The following CFAP251 variants were observed in gnomAD, a reference collection of about 807,000 sequenced individuals.
The protein encoded by CFAP251 is cilia and flagella associated protein 251, also known as cilia- and flagella-associated protein 251.
CFAP251 carries 93 observed loss-of-function variants against 126.7 expected under a neutral mutation model. The observed-to-expected ratio is 0.73, with a 90% CI of 0.62 to 0.87. The LOEUF (loss-of-function observed/expected upper bound fraction) is 0.87. CFAP251 is among the 40% of genes least tolerant of loss of function. The pLI is 0.00. For synonymous variants in CFAP251, 503 were observed against 506.9 expected (o/e 0.99, Z 0.10); for missense variants, 1,287 against 1,389.2 (o/e 0.93, Z 1.17).
At chr12:121,963,247 A>T (rs1461863431) in intron 15 of CFAP251, among the ~76,000 whole-genome samples, 1 of 152,086 alleles carries the variant, frequency 6.6e-6, no homozygotes. Context: ...AGCGTTTGCT[A>T]ATGGAGGGAA....
At position 121,921,657 on chromosome 12, in the gene CFAP251, C is replaced by T; in HGVS notation, c.352C>T (p.Gln118Ter). Residue 118 changes from glutamine to a stop codon, truncating the protein, a stop_gained, in exon 2 of 22, where the codon CAG (glutamine) becomes TAG (stop). Coordinates refer to ENST00000288912, the MANE Select transcript of CFAP251 (RefSeq NM_144668.6). LOFTEE classifies it high-confidence loss of function. ...IRLETQITDS[Q>*]SITSGIFPKT... Reference sequence around the variant, plus strand: ...TTTGGAGACACAGATTACTGATTCCCAGTCAATCACATCAGGAATTTTCCC... The same window carrying T: ...TTTGGAGACACAGATTACTGATTCCTAGTCAATCACATCAGGAATTTTCCC... 6.2e-7 allele frequency: 1 copy of T among 1,607,530 alleles called. No homozygotes were observed. The highest frequency in any genetic ancestry group is 1.1e-5 in the South Asian group (1 of 89,724).
chr12:121,928,330 C>T (rs370536043), intron 3 of CFAP251, among the ~76,000 whole-genome samples: 2 of 151,988 alleles, frequency 1.3e-5, no homozygotes, highest in African/African-American at 4.8e-5. Context: ...ACCACTCACA[C>T]CCACACAATA....
intron 19 of CFAP251, among the ~76,000 whole-genome samples, chr12:121,980,627 C>T (rs1882598113): frequency 6.6e-6 from 1 of 152,188 alleles, no homozygotes; most frequent in Admixed American, 6.5e-5. Flanking sequence ...GGATTCTAGG[C>T]ATGAGCCACC....
rs571069810 is a variant in CFAP251 at position 121,952,355 on chromosome 12, G to A, written c.1320+825G>A. On this transcript the variant is annotated intron_variant, in intron 9 of 21. Coordinates refer to ENST00000288912, the MANE Select transcript of CFAP251 (RefSeq NM_144668.6). ...GGATCACTTGAGCCCAGGTGGTCAA[G>A]GCTACAGTGAGCTGTGTTTGTGCCA... Among the ~76,000 whole-genome samples the A allele has an allele frequency of 3.3e-5, 5 of 151,034 alleles. No homozygotes were observed. In the South Asian group the frequency reaches 1.1e-3, roughly 32 times the overall value.
At chr12:121,972,092 T>G in intron 17 of CFAP251, 1 of 194,274 alleles carries the variant, frequency 5.1e-6, no homozygotes, top group Non-Finnish European at 1.1e-5. Context: ...AGTTATGTCT[T>G]TATCAGCAGC....
At chr12:121,984,627 A>G (rs1351280957) in intron 19 of CFAP251, among the ~76,000 whole-genome samples, 2 of 152,134 alleles carry the variant, frequency 1.3e-5, no homozygotes, top group East Asian at 3.9e-4. Flanking sequence ...TTTTAAATGA[A>G]AGATCTGCAG....
intron 20 of CFAP251, among the ~76,000 whole-genome samples, chr12:122,000,476 CG>C (rs1414945883): frequency 2.1e-4 from 32 of 148,980 alleles, no homozygotes; most frequent in Non-Finnish European, 4.4e-5. Context: ...TGCTTGAACC[CG>C]GGAGGTGGAG....
chr12:121,982,181 T>C (rs1882637483), intron 19 of CFAP251, among the ~76,000 whole-genome samples: 1 of 152,108 alleles, frequency 6.6e-6, no homozygotes, highest in Non-Finnish European at 1.5e-5. Context: ...CGCCATCAAA[T>C]TGATGGCAGT....
chr12:121,958,126 G>T, intron 11 of CFAP251, 146 bp from the exon 12 acceptor site: 1 of 1,190,902 alleles, frequency 8.4e-7, no homozygotes, highest in Non-Finnish European at 1.2e-6. Flanking sequence ...GTTGGGTATT[G>T]GTGGTATATT....
rs1321427914 is a variant in CFAP251 at position 121,942,705 on chromosome 12, C to T, written c.1110+60C>T. Reference sequence around the variant, plus strand: ...AGCTGGCCGACCTGTGCAGCGTGTCCCCATGGGCAGCTCTGTTCAGGCTGG... The same window carrying T: ...AGCTGGCCGACCTGTGCAGCGTGTCTCCATGGGCAGCTCTGTTCAGGCTGG... On this transcript the variant is annotated intron_variant, in intron 6 of 21. Transcript: ENST00000288912. 13 of 1,389,028 alleles carry T rather than the reference C, an allele frequency of 9.4e-6. No individual in the cohort carries two copies. In the South Asian group the frequency reaches 1.6e-4, roughly 17 times the overall value. The allele number at this position is 1,389,028 out of a possible 1,614,324, so 86.0% of individuals were successfully genotyped here.
chr12:121,924,526 G>A (rs10743187), intron 3 of CFAP251, among the ~76,000 whole-genome samples: 86,840 of 149,262 alleles, frequency 0.58, 26,025 homozygotes, highest in African/African-American at 0.71. Flanking sequence ...TCCGCCTCCC[G>A]GGTTCAAGCG....
chr12:121,961,364 C>T (rs1357341442), intron 14 of CFAP251, among the ~76,000 whole-genome samples: 1 of 135,518 alleles, frequency 7.4e-6, no homozygotes, highest in Non-Finnish European at 1.6e-5. Flanking sequence ...TTCAGTTTCT[C>T]CATCCATTCA....
intron 10 of CFAP251, among the ~76,000 whole-genome samples, chr12:121,955,425 C>A (rs1214622759): frequency 6.6e-6 from 1 of 152,154 alleles, no homozygotes; most frequent in East Asian, 1.9e-4. Flanking sequence ...AGGAACTTAA[C>A]CTTGTTGAGC....
intron 15 of CFAP251, 62 bp downstream of exon 15, chr12:121,962,224 TTCAGG>T (rs1316455612): frequency 5.2e-6 from 8 of 1,529,206 alleles, no homozygotes; most frequent in Non-Finnish European, 7.1e-6. Context: ...CCCAACCTGT[TTCAGG>T]TCTCCACATA....
chr12:121,946,855 AG>A (rs1881344804), intron 7 of CFAP251, among the ~76,000 whole-genome samples: 1 of 152,052 alleles, frequency 6.6e-6, no homozygotes, highest in African/African-American at 2.4e-5. Context: ...CAGGGATTAT[AG>A]GCATGAGCCA....
intron 9 of CFAP251, among the ~76,000 whole-genome samples, chr12:121,952,240 T>TA (rs558861973): frequency 0.037 from 3,398 of 91,694 alleles, 218 homozygotes; most frequent in African/African-American, 0.11. Context: ...TCGTTTCTAC[T>TA]AAAAAAAAAA....
chr12:121,978,870 T>G (rs189931672), intron 19 of CFAP251, among the ~76,000 whole-genome samples: 1 of 152,300 alleles, frequency 6.6e-6, no homozygotes. Flanking sequence ...CTTCTCTCAT[T>G]ATTTTCCTGG....
At chr12:121,940,055 C>T (rs1290332456) in intron 5 of CFAP251, among the ~76,000 whole-genome samples, 1 of 152,040 alleles carries the variant, frequency 6.6e-6, no homozygotes, top group African/African-American at 2.4e-5. Flanking sequence ...CTTAAGTTTC[C>T]TTAAGTGTTC....
At chr12:121,963,720 T>C (rs1475049882) in intron 15 of CFAP251, among the ~76,000 whole-genome samples, 1 of 150,076 alleles carries the variant, frequency 6.7e-6, no homozygotes. Flanking sequence ...TGTCATCCCA[T>C]TCCCTCATCC....
Sources: gnomAD v4.1 joint callset for allele counts (sites outside exome capture counted in the v4.1 genomes callset) on GRCh38, gnomAD v4.1.1 for gene constraint, MANE v1.5 for transcripts, NCBI Gene and HGNC (gene_info 2026-07-23, HGNC 2026-07-21) for gene names.